Variants in ANO4 observed in about 807,000 individuals in gnomAD.
ANO4 encodes the protein anoctamin 4, also known as anoctamin-4.
ANO4 carries 69 observed loss-of-function variants against 141.9 expected under a neutral mutation model. The ratio of observed to expected loss-of-function variants is 0.49; its 90% confidence interval spans 0.40 to 0.59. The LOEUF is 0.59. ANO4 is among the 20% of genes least tolerant of loss of function. The pLI, the probability that ANO4 is intolerant of heterozygous loss-of-function variation, is 0.00. For missense variants in ANO4, 894 were observed against 1,162.2 expected, an observed-to-expected ratio of 0.77 and a Z score of 3.36; for synonymous variants, 350 against 394.3, an observed-to-expected ratio of 0.89 and a Z score of 1.33.
chr12:100,810,390 G>C (rs774849195), intron 1 of ANO4, among the ~76,000 whole-genome samples: 8 of 152,272 alleles, frequency 5.3e-5, no homozygotes, highest in African/African-American at 1.9e-4. Context: ...AGTGGTGGAG[G>C]AGGTGGCTTA....
chr12:101,077,144 G>C (rs2049054473), intron 14 of ANO4, among the ~76,000 whole-genome samples: 1 of 152,304 alleles, frequency 6.6e-6, no homozygotes, highest in South Asian at 2.1e-4. Context: ...GTGCCTATGT[G>C]ACCAGCCCCC....
chr12:101,117,039 T>C (rs1429235136), intron 25 of ANO4, among the ~76,000 whole-genome samples: 2 of 152,206 alleles, frequency 1.3e-5, no homozygotes, highest in East Asian at 1.9e-4. Flanking sequence ...AATTGAGAAC[T>C]GCTAGCTTAA....
intron 3 of ANO4, among the ~76,000 whole-genome samples, chr12:100,787,131 T>A (rs1288711604): frequency 4.6e-5 from 7 of 152,170 alleles, no homozygotes; most frequent in Non-Finnish European, 1.5e-5. Context: ...GGGTGGGGAC[T>A]TCTCTGAAGG....
Position 100,728,305 on chromosome 12 carries a change from A to G in ANO4, c.23-5469A>G, listed in dbSNP as rs577007979. 2.0e-3 allele frequency among the ~76,000 whole-genome samples: 305 copies of G among 152,324 alleles called. 1 individual carries two copies. The highest frequency in any genetic ancestry group is 7.0e-3 in the African/African-American group (293 of 41,570). On this transcript the variant is annotated intron_variant, in intron 1 of 29. Transcript: ENST00000644049. ...AATTTGAGATAAATAAAATGTGTGT[A>G]GTTTTGTCCACACTTTTTCGCTAAG...
upstream of ANO4, chr12:100,717,453 C>A (rs1318491865): frequency 5.0e-6 from 2 of 396,400 alleles, no homozygotes; most frequent in Non-Finnish European, 8.9e-6. Context: ...CGGGCCGGGC[C>A]GTCCAGGGGC....
At chr12:101,062,320 A>G (rs1214779188) in intron 14 of ANO4, among the ~76,000 whole-genome samples, 7 of 151,864 alleles carry the variant, frequency 4.6e-5, no homozygotes, top group Admixed American at 4.6e-4. Flanking sequence ...GTGTCTGTCG[A>G]CCCCTGCTGG....
intron 7 of ANO4, among the ~76,000 whole-genome samples, chr12:100,977,517 CT>C (rs1457805289): frequency 1.3e-5 from 2 of 152,116 alleles, no homozygotes; most frequent in Admixed American, 1.3e-4. Context: ...GAGGCCCCAT[CT>C]CTAAAAATGT....
chr12:100,729,948 T>G (rs2031315081), intron 1 of ANO4, among the ~76,000 whole-genome samples: 1 of 152,212 alleles, frequency 6.6e-6, no homozygotes, highest in African/African-American at 2.4e-5. Context: ...AGCATTCTGC[T>G]TGTTTGTTGA....
chr12:100,767,437 A>C (rs2033134860), intron 3 of ANO4, among the ~76,000 whole-genome samples: 4 of 152,102 alleles, frequency 2.6e-5, no homozygotes, highest in Admixed American at 2.6e-4. Context: ...GCATATGCAA[A>C]TTGCTAGCAT....
chr12:100,826,475 C>A (rs2036348500), intron 1 of ANO4, among the ~76,000 whole-genome samples: 1 of 151,976 alleles, frequency 6.6e-6, no homozygotes, highest in Admixed American at 6.6e-5. Context: ...TTATTTCTAG[C>A]ACCTTCTGTG....
intron 1 of ANO4, among the ~76,000 whole-genome samples, chr12:100,816,987 TA>T (rs5800425): frequency 0.81 from 123,219 of 151,600 alleles, 50,168 homozygotes; most frequent in African/African-American, 0.85. Flanking sequence ...TTCAGATATT[TA>T]AAAAAACTTA....
In ANO4 at chr12:100,812,803, A is replaced by G. The variant is rs558655456; in HGVS notation, c.-141+17776A>G. 6.6e-5 allele frequency among the ~76,000 whole-genome samples: 10 copies of G among 152,316 alleles called. No homozygotes were observed. The South Asian group carries it at 1.9e-3, about 28-fold the overall frequency. ...TACATTGTGTTTCGTTATGAAAATC[A>G]TCAAGCTTTGCAAGGCTGATTCTCA... On this transcript the variant is annotated intron_variant, in intron 1 of 27. Coordinates refer to ENST00000392977, the MANE Select transcript of ANO4 (RefSeq NM_001286615.2).
At chr12:101,049,565 G>A (rs946618288) in intron 14 of ANO4, among the ~76,000 whole-genome samples, 7 of 151,416 alleles carry the variant, frequency 4.6e-5, no homozygotes, top group Non-Finnish European at 8.8e-5. Flanking sequence ...ATAGGTGGAT[G>A]GATGGATGGA....
chr12:100,725,682 C>T (rs1214634600), intron 1 of ANO4, among the ~76,000 whole-genome samples: 1 of 152,096 alleles, frequency 6.6e-6, no homozygotes, highest in Admixed American at 6.6e-5. Flanking sequence ...TGGCCTATGC[C>T]TAAAATAAGG....
In ANO4 at chr12:101,037,161, G is replaced by T. The variant is rs1566158704; in HGVS notation, c.897+11G>T. 1.9e-6 allele frequency: 3 copies of T among 1,612,226 alleles called. No homozygotes were observed. Among genetic ancestry groups the T allele is most frequent in the African/African-American group, 1.3e-5 (1 of 74,976 alleles). On this transcript the variant is annotated intron_variant, in intron 10 of 27. Transcript: ENST00000392977. ...TTTCCCCTGCATGAGGTATTGTGCT[G>T]TCTTTAATCTTTATCTTTCTTTCAA...
chr12:100,906,298 G>C (rs1450470075), intron 2 of ANO4, among the ~76,000 whole-genome samples: 1 of 152,156 alleles, frequency 6.6e-6, no homozygotes, highest in Non-Finnish European at 1.5e-5. Flanking sequence ...ATCAAGGGAA[G>C]GAGGTACAGT....
chr12:101,102,732 T>C (rs2050239275), intron 22 of ANO4, among the ~76,000 whole-genome samples: 1 of 152,170 alleles, frequency 6.6e-6, no homozygotes. Flanking sequence ...ATATAAGTTT[T>C]AGAACCAGAT....
At chr12:101,032,165 T>G (rs2136559743) in intron 9 of ANO4, among the ~76,000 whole-genome samples, 1 of 152,298 alleles carries the variant, frequency 6.6e-6, no homozygotes, top group East Asian at 1.9e-4. Flanking sequence ...GGCATCATGC[T>G]ACCTGACTTC....
At chr12:100,752,689 A>G (rs985960104) in intron 3 of ANO4, among the ~76,000 whole-genome samples, 18 of 152,156 alleles carry the variant, frequency 1.2e-4, no homozygotes, top group African/African-American at 2.7e-4. Context: ...CAAAACATCT[A>G]TGGTGCCTAT....
Sources: allele counts gnomAD v4.1 joint callset (sites outside exome capture counted in the v4.1 genomes callset), GRCh38; gene constraint gnomAD v4.1.1; transcripts MANE v1.5; gene names NCBI Gene and HGNC (gene_info 2026-07-23, HGNC 2026-07-21).